The following SPATA17 variants were observed in gnomAD, a reference collection of about 807,000 sequenced individuals.
SPATA17 encodes the protein spermatogenesis associated 17, also known as spermatogenesis-associated protein 17.
In SPATA17, 53 loss-of-function variants were observed where a neutral mutation model predicts 62.2. That is an observed-to-expected ratio of 0.85 (90% confidence interval 0.68 to 1.07). The LOEUF is 1.07. Among genes scored for constraint, SPATA17 ranks in the 50% least tolerant of loss-of-function variants. SPATA17 has a pLI of 0.00. For synonymous variants in SPATA17, 146 were observed against 146.8 expected (o/e 0.99, Z 0.04); for missense variants, 466 against 425.5 (o/e 1.10, Z -0.84).
intron 7 of SPATA17, among the ~76,000 whole-genome samples, chr1:217,778,967 G>A (rs1040974538): frequency 1.3e-4 from 20 of 151,902 alleles, no homozygotes; most frequent in African/African-American, 4.8e-4. Context: ...ATACATAAGT[G>A]TATTTAGTAT....
At chr1:217,736,377 T>A (rs1672509761) in intron 5 of SPATA17, among the ~76,000 whole-genome samples, 1 of 152,164 alleles carries the variant, frequency 6.6e-6, no homozygotes, top group Non-Finnish European at 1.5e-5. Context: ...ATTTTTACAG[T>A]TTGCAGTCTA....
At chr1:217,823,614 G>T (rs1674920927) in intron 9 of SPATA17, among the ~76,000 whole-genome samples, 1 of 151,798 alleles carries the variant, frequency 6.6e-6, no homozygotes. Flanking sequence ...TTCTTCTCAA[G>T]GTCATGTATG....
intron 1 of SPATA17, among the ~76,000 whole-genome samples, chr1:217,645,174 T>C (rs1221477068): frequency 6.6e-6 from 1 of 152,118 alleles, no homozygotes; most frequent in Non-Finnish European, 1.5e-5. Context: ...TCCTTCCTTT[T>C]AATTGCAATG....
intron 5 of SPATA17, among the ~76,000 whole-genome samples, chr1:217,716,771 A>G (rs1448439711): frequency 6.6e-6 from 1 of 152,232 alleles, no homozygotes; most frequent in African/African-American, 2.4e-5. Context: ...CATACAGGTG[A>G]ACAAATTTAG....
At chr1:217,786,702 C>T (rs1673871899) in intron 8 of SPATA17, among the ~76,000 whole-genome samples, 1 of 151,694 alleles carries the variant, frequency 6.6e-6, no homozygotes, top group African/African-American at 2.4e-5. Flanking sequence ...ATTGCAGAAA[C>T]TTTGGTAATA....
chr1:217,639,272 C>G (rs1670004110), intron 1 of SPATA17, among the ~76,000 whole-genome samples: 1 of 151,926 alleles, frequency 6.6e-6, no homozygotes, highest in Admixed American at 6.6e-5. Flanking sequence ...CACAGGAACC[C>G]AAAAGACACA....
At chr1:217,833,520 T>C (rs1675194565) in intron 9 of SPATA17, among the ~76,000 whole-genome samples, 3 of 152,184 alleles carry the variant, frequency 2.0e-5, no homozygotes, top group South Asian at 4.1e-4. Context: ...ACCAGATCAC[T>C]AGTATAAGTC....
At chr1:217,794,115 CAAAA>C (rs376080845) in intron 8 of SPATA17, among the ~76,000 whole-genome samples, 4 of 54,732 alleles carry the variant, frequency 7.3e-5, no homozygotes, top group Non-Finnish European at 7.5e-5. Flanking sequence ...GACTCCGTCA[CAAAA>C]AAAAAAAAAA....
chr1:217,641,819 T>C (rs904987735), intron 1 of SPATA17, among the ~76,000 whole-genome samples: 4 of 152,136 alleles, frequency 2.6e-5, no homozygotes, highest in Middle Eastern at 3.2e-3. Context: ...GAAATTAACA[T>C]TGGCACATTT....
chr1:217,790,155 G>T (rs773949868), intron 8 of SPATA17, among the ~76,000 whole-genome samples: 11 of 152,166 alleles, frequency 7.2e-5, no homozygotes, highest in African/African-American at 2.7e-4. Flanking sequence ...TTAAAGTTTA[G>T]TCTTCACTTC....
rs747984028 is a variant in SPATA17, at chr1:217,808,379, ACACC to A, written c.1005+6531_1005+6534del. On this transcript the variant is annotated intron_variant, in intron 9 of 10. Coordinates refer to ENST00000366933, the MANE Select transcript of SPATA17 (RefSeq NM_138796.4). The stretch of plus-strand genomic sequence containing the variant: ...CACACACACACACACACACACACAC[ACACC>A]CCCCTCAGAATTTATACAGAATGAA... 6.2e-3 allele frequency among the ~76,000 whole-genome samples: 314 copies of A among 50,400 alleles called. 2 individuals are homozygous for A. The highest frequency in any genetic ancestry group is 0.031 in the East Asian group (87 of 2,812). 33.1% of individuals were successfully genotyped at this position (50,400 alleles called of 152,430 possible).
rs1676130482 is a variant in SPATA17, at chr1:217,871,660, T to C, written c.*4641T>C. On this transcript the variant is annotated 3_prime_UTR_variant, in exon 11 of 11. Coordinates refer to ENST00000366933, the MANE Select transcript of SPATA17 (RefSeq NM_138796.4). ...AATCGCTGGGTAATGCTGTTTAGGT[T>C]GTTCTATTTTCCACGGATTAAATTA... The C allele has an allele frequency of 6.6e-6, 1 of 152,204 alleles. No individual in the cohort carries two copies. The highest frequency in any genetic ancestry group is 1.5e-5 in the Non-Finnish European group (1 of 68,044). 9.4% of individuals were successfully genotyped at this position (152,204 alleles called of 1,614,324 possible).
At chr1:217,677,928 A>G (rs1670987839) in intron 4 of SPATA17, among the ~76,000 whole-genome samples, 1 of 152,272 alleles carries the variant, frequency 6.6e-6, no homozygotes, top group Non-Finnish European at 1.5e-5. Context: ...TTTTATGTAT[A>G]AATATAAATG....
At chr1:217,755,981 T>C (rs1673032813) in intron 6 of SPATA17, among the ~76,000 whole-genome samples, 1 of 152,094 alleles carries the variant, frequency 6.6e-6, no homozygotes, top group Non-Finnish European at 1.5e-5. Context: ...TATGTCTTAA[T>C]AAAGCACTTG....
intron 5 of SPATA17, among the ~76,000 whole-genome samples, chr1:217,703,338 G>T (rs949552482): frequency 2.0e-5 from 3 of 151,524 alleles, no homozygotes; most frequent in African/African-American, 7.3e-5. Flanking sequence ...TGCCCGGCTA[G>T]CTTTTGTGTT....
intron 6 of SPATA17, among the ~76,000 whole-genome samples, chr1:217,767,804 C>T (rs6661971): frequency 0.28 from 42,378 of 152,016 alleles, 6,345 homozygotes; most frequent in East Asian, 0.53. Flanking sequence ...TAAATCCTGG[C>T]CTGATAATTA....
intron 8 of SPATA17, among the ~76,000 whole-genome samples, chr1:217,783,286 A>T (rs1051088800): frequency 1.3e-5 from 2 of 151,952 alleles, no homozygotes; most frequent in East Asian, 1.9e-4. Flanking sequence ...GTTATAAGTT[A>T]TATATACATG....
intron 9 of SPATA17, among the ~76,000 whole-genome samples, chr1:217,835,648 A>C (rs1379356573): frequency 6.6e-6 from 1 of 152,088 alleles, no homozygotes. Flanking sequence ...GTCCTGATAA[A>C]TTATAATAGA....
At chr1:217,709,846 T>TTA (rs1247845939) in intron 5 of SPATA17, among the ~76,000 whole-genome samples, 1 of 152,200 alleles carries the variant, frequency 6.6e-6, no homozygotes, top group Non-Finnish European at 1.5e-5. Flanking sequence ...TCTTTTAATA[T>TTA]TATATTTCAA....
Sources: allele counts gnomAD v4.1 joint callset (sites outside exome capture counted in the v4.1 genomes callset), GRCh38; gene constraint gnomAD v4.1.1; transcripts MANE v1.5; gene names NCBI Gene and HGNC (gene_info 2026-07-23, HGNC 2026-07-21).